The following ZNF112 variants were observed in gnomAD, a reference collection of about 807,000 sequenced individuals.
ZNF112 encodes zinc finger protein 112.
In ZNF112, 37 loss-of-function variants were observed where a neutral mutation model predicts 77.7. That is an observed-to-expected ratio of 0.48 (90% CI 0.37 to 0.63). The LOEUF is 0.63. ZNF112 is among the 20% of genes least tolerant of loss of function. ZNF112 has a pLI of 0.00. For missense variants in ZNF112, 950 were observed against 1,077.4 expected, an observed-to-expected ratio of 0.88 and a Z score of 1.66; for synonymous variants, 333 against 363.6, an observed-to-expected ratio of 0.92 and a Z score of 0.96.
intron 1 of ZNF112, 24 bp from the exon 2 acceptor site, chr19:44,340,566 C>A (rs1350077827): frequency 6.2e-7 from 1 of 1,613,558 alleles, no homozygotes; most frequent in African/African-American, 1.3e-5. Flanking sequence ...CACATGCACA[C>A]TAAGTTTACA....
At chr19:44,345,929 G>A (rs1970580998) in intron 1 of ZNF112, among the ~76,000 whole-genome samples, 1 of 152,160 alleles carries the variant, frequency 6.6e-6, no homozygotes, top group African/African-American at 2.4e-5. Flanking sequence ...TGGGTCACAT[G>A]CTGTCTCTGT....
In ZNF112 at chr19:44,329,893, T is replaced by C. The variant is rs138100497; in HGVS notation, c.264A>G (p.Thr88=). Residue 88 remains threonine (T), a synonymous_variant, in exon 4 of 4, where the codon ACA becomes ACG. Transcript: ENST00000354340. ...QQKMESIQEV[T]VSYFSPKELS... ...GCTCTTTGGGGGAAAAGTAGCTTACTGTTACTTCCTGAATACTCTCCATCT... is the reference window on the plus strand; with the variant it reads ...GCTCTTTGGGGGAAAAGTAGCTTACCGTTACTTCCTGAATACTCTCCATCT... 30 of 1,613,938 alleles carry C rather than the reference T, an allele frequency of 1.9e-5. No homozygotes were observed. Among genetic ancestry groups the C allele is most frequent in the Non-Finnish European group, 2.5e-5 (29 of 1,179,946 alleles).
At position 44,329,584 on chromosome 19, in the gene ZNF112, T is replaced by C. The variant is rs111544485; in HGVS notation, c.573A>G (p.Arg191=). Residue 191 remains arginine (R), a synonymous_variant, in exon 4 of 4, where the codon AGA becomes AGG. Transcript: ENST00000354340. ...GATTTTTCATGGAAATTTGCTGACA[T>C]CTACACTGATAATTATGTGACTCTT... The part of the protein sequence containing the change: ...YLKESHNYQC[R]CQQISMKNHF... The C allele has an allele frequency of 6.2e-7, 1 of 1,614,130 alleles. No homozygotes were observed. Among genetic ancestry groups the C allele is most frequent in the Non-Finnish European group, 8.5e-7 (1 of 1,180,010 alleles).
chr19:44,336,923 C>A (rs867373838), intron 2 of ZNF112, among the ~76,000 whole-genome samples: 7 of 151,224 alleles, frequency 4.6e-5, no homozygotes, highest in Admixed American at 3.3e-4. Context: ...CCTGTGCCAG[C>A]ATGCAGTGGC....
At chr19:44,347,601 C>G (rs988279379) in intron 1 of ZNF112, among the ~76,000 whole-genome samples, 1 of 134,172 alleles carries the variant, frequency 7.5e-6, no homozygotes, top group Non-Finnish European at 1.5e-5. Context: ...CATATCTAAT[C>G]TTTCACAGTG....
intron 1 of ZNF112, among the ~76,000 whole-genome samples, chr19:44,350,968 T>C (rs1970680778): frequency 6.6e-6 from 1 of 152,130 alleles, no homozygotes; most frequent in Non-Finnish European, 1.5e-5. Flanking sequence ...CTTAAAATAA[T>C]GCAATTTATT....
upstream of ZNF112, among the ~76,000 whole-genome samples, chr19:44,359,259 C>G (rs1488505082): frequency 7.0e-6 from 1 of 143,650 alleles, no homozygotes; most frequent in Non-Finnish European, 1.5e-5. Context: ...CAGGTGGTTG[C>G]TGCTTGCTGC....
intron 1 of ZNF112, among the ~76,000 whole-genome samples, chr19:44,362,376 T>C (rs190110595): frequency 7.9e-4 from 120 of 152,228 alleles, no homozygotes; most frequent in Middle Eastern, 3.4e-3. Context: ...ATTGAGTCAA[T>C]TTCAAAGGAA....
chr19:44,350,594 A>G (rs1464744367), intron 1 of ZNF112, among the ~76,000 whole-genome samples: 1 of 152,092 alleles, frequency 6.6e-6, no homozygotes, highest in East Asian at 1.9e-4. Flanking sequence ...AGTTATTTCA[A>G]AGACAGTTAA....
Position 44,327,404 on chromosome 19 carries a change from T to A in ZNF112, c.*29A>T. ...TTTCTACTGAAAGAACTCTAGTGAC[T>A]GGAAAATTTCAGCTCCCATTTGAGG... On this transcript the variant is annotated 3_prime_UTR_variant, in exon 4 of 4. Coordinates refer to ENST00000354340, the MANE Select transcript of ZNF112 (RefSeq NM_013380.4). 6.5e-7 allele frequency: 1 copy of A among 1,531,686 alleles called. No individual in the cohort carries two copies. Among genetic ancestry groups the A allele is most frequent in the Non-Finnish European group, 8.8e-7 (1 of 1,139,390 alleles). The allele number at this position is 1,531,686 out of a possible 1,614,324, so 94.9% of individuals were successfully genotyped here. A position where few individuals can be genotyped will look rare whatever the true frequency, so the allele number is the denominator to read the frequency against.
At chr19:44,330,807 G>A (rs1599912185) in intron 3 of ZNF112, among the ~76,000 whole-genome samples, 1 of 152,270 alleles carries the variant, frequency 6.6e-6, no homozygotes, top group Non-Finnish European at 1.5e-5. Context: ...AGATCTGAAG[G>A]GGAAAAGAGG....
Position 44,329,304 on chromosome 19 carries a change from A to G in ZNF112, c.853T>C (p.Cys285Arg), listed in dbSNP as rs1970216025. 1.2e-6 allele frequency: 2 copies of G among 1,614,046 alleles called. No homozygotes were observed. Among genetic ancestry groups the G allele is most frequent in the African/African-American group, 1.3e-5 (1 of 75,070 alleles). ...GAACTATAATTACAGCCCTTTCCAC[A>G]TGAACTGTATGTATAGGGCTTCCCT... The part of the protein sequence containing the change: ...LEGKPYTYSS[C>R]GKGCNYSSLL... The change falls in exon 4 of 4, where the codon TGT becomes CGT. Residue 285 changes from cysteine to arginine, a missense_variant. By Grantham distance (180) the Cys-to-Arg change is radical. Around this residue, in one of 3 missense-constraint regions of ZNF112, gnomAD observed 560 missense variants for 557.3 expected, o/e 1.00. Coordinates refer to ENST00000354340, the MANE Select transcript of ZNF112 (RefSeq NM_013380.4).
In ZNF112 at chr19:44,328,268, G is replaced by A. The variant is rs757826588; in HGVS notation, c.1889C>T (p.Pro630Leu). 6.2e-7 allele frequency: 1 copy of A among 1,613,998 alleles called. No homozygotes were observed. Among genetic ancestry groups the A allele is most frequent in the Non-Finnish European group, 8.5e-7 (1 of 1,179,992 alleles). Reference sequence around the variant, plus strand: ...CTTCCCACATTCCTCACATTTGAATGGTTTTTCTCCAGTGTGGACTCTCTG... The same window carrying A: ...CTTCCCACATTCCTCACATTTGAATAGTTTTTCTCCAGTGTGGACTCTCTG... ...GHQRVHTGEK[P>L]FKCEECGKGF... Residue 630 changes from proline to leucine, a missense_variant, in exon 4 of 4, where the codon CCA becomes CTA. Coordinates refer to ENST00000354340, the MANE Select transcript of ZNF112 (RefSeq NM_013380.4).
upstream of ZNF112, among the ~76,000 whole-genome samples, chr19:44,357,021 G>C (rs1970798865): frequency 6.6e-6 from 1 of 152,216 alleles, no homozygotes; most frequent in Non-Finnish European, 1.5e-5. Context: ...TGGCGCGTGT[G>C]TCTCTGACCC....
chr19:44,351,668 A>G (rs1970694446), intron 1 of ZNF112, among the ~76,000 whole-genome samples: 1 of 152,050 alleles, frequency 6.6e-6, no homozygotes, highest in Admixed American at 6.6e-5. Context: ...TAACTGGAAA[A>G]ACTAAAATAT....
chr19:44,336,807 G>A, intron 2 of ZNF112, 89 bp from the exon 3 acceptor site: 1 of 987,620 alleles, frequency 1.0e-6, no homozygotes, highest in South Asian at 1.4e-5. Flanking sequence ...ACAGACAAGT[G>A]AGACTCTCTC....
intron 1 of ZNF112, among the ~76,000 whole-genome samples, chr19:44,363,128 C>G (rs1023797920): frequency 2.0e-5 from 3 of 146,938 alleles, no homozygotes; most frequent in Non-Finnish European, 4.4e-5. Flanking sequence ...CCCAATCACA[C>G]ATGGCTAATT....
intron 1 of ZNF112, among the ~76,000 whole-genome samples, chr19:44,363,853 G>A (rs185257111): frequency 1.6e-3 from 244 of 152,218 alleles, no homozygotes; most frequent in African/African-American, 5.0e-3. Context: ...ATTTTACACT[G>A]TCTCCCAAAA....
chr19:44,332,292 A>G (rs911852068), intron 3 of ZNF112, among the ~76,000 whole-genome samples: 1 of 152,210 alleles, frequency 6.6e-6, no homozygotes, highest in Non-Finnish European at 1.5e-5. Context: ...AAAAGGCCAC[A>G]CTGATGAATC....
Sources: allele counts gnomAD v4.1 joint callset (sites outside exome capture counted in the v4.1 genomes callset), GRCh38; gene constraint gnomAD v4.1.1; regional missense constraint gnomAD v4.1.1; transcripts MANE v1.5; gene names NCBI Gene and HGNC (gene_info 2026-07-23, HGNC 2026-07-21).